SEC23B: variants seen among roughly 807,000 people sequenced by gnomAD.
SEC23B encodes the protein protein transport protein Sec23B.
Under a neutral mutation model 104.3 loss-of-function variants are expected in SEC23B, and 77 were observed. The observed-to-expected ratio is 0.74, with a 90% CI of 0.61 to 0.89. The LOEUF (loss-of-function observed/expected upper bound fraction) is 0.89. SEC23B is among the 40% of genes least tolerant of loss of function. The pLI is 0.00. For synonymous variants in SEC23B, 338 were observed against 332.5 expected, an observed-to-expected ratio of 1.02 and a Z score of -0.18; for missense variants, 885 against 949.4, an observed-to-expected ratio of 0.93 and a Z score of 0.89.
In SEC23B at chr20:18,530,814, CTTTTT is replaced by C; in HGVS notation, c.1233+21_1233+25del. 1 of 1,438,304 alleles carries C rather than the reference CTTTTT, an allele frequency of 7.0e-7. No individual in the cohort carries two copies. Among genetic ancestry groups the C allele is most frequent in the Non-Finnish European group, 9.6e-7 (1 of 1,042,408 alleles). 89.1% of individuals were successfully genotyped at this position (1,438,304 alleles called of 1,614,324 possible). A position where few individuals can be genotyped will look rare whatever the true frequency, so the allele number is the denominator to read the frequency against. ...ACTTTGGACGTAAAGGTACGGTAAA[CTTTTT>C]TTTTTTTTTATGTGGACTCACTGTA... On this transcript the variant is annotated intron_variant, in intron 10 of 19. Transcript: ENST00000650089.
chr20:18,554,130 T>C (rs1412385954), intron 17 of SEC23B, 105 bp from the exon 18 acceptor site: 2 of 1,293,496 alleles, frequency 1.5e-6, no homozygotes, highest in East Asian at 4.7e-5. Context: ...ATATTAGACT[T>C]CTTCACTAGA....
At position 18,517,497 on chromosome 20, in the gene SEC23B, A is replaced by G. The variant is rs189955393; in HGVS notation, c.366+1761A>G. ...CAGTTGCTTCAGGCCATCTGGATGTATACGTGCAGGTCATAGGGGATATGA... is the reference window on the plus strand; with the variant it reads ...CAGTTGCTTCAGGCCATCTGGATGTGTACGTGCAGGTCATAGGGGATATGA... On this transcript the variant is annotated intron_variant, in intron 4 of 19. Transcript: ENST00000650089. Among the ~76,000 whole-genome samples, 6 of 152,326 alleles carry G rather than the reference A, an allele frequency of 3.9e-5. No homozygotes were observed. In the East Asian group the frequency reaches 1.2e-3, roughly 29 times the overall value.
At chr20:18,543,241 C>T in intron 14 of SEC23B, 69 bp downstream of exon 14, 1 of 1,587,110 alleles carries the variant, frequency 6.3e-7, no homozygotes, top group Non-Finnish European at 8.6e-7. Context: ...AAAATTGTCA[C>T]TTAATTATTA....
intron 6 of SEC23B, 135 bp from the exon 7 acceptor site, chr20:18,525,653 C>A: frequency 2.2e-6 from 2 of 906,160 alleles, no homozygotes; most frequent in South Asian, 1.5e-5. Flanking sequence ...AGAGAGATAG[C>A]TTTGAAGAAA....
At chr20:18,515,782 T>G in intron 4 of SEC23B, 46 bp downstream of exon 4, 1 of 1,183,082 alleles carries the variant, frequency 8.5e-7, no homozygotes, top group Non-Finnish European at 1.3e-6. Flanking sequence ...AAATACTGAA[T>G]TTCTCTTGAA....
intron 4 of SEC23B, among the ~76,000 whole-genome samples, chr20:18,520,609 T>G (rs1391461834): frequency 6.6e-6 from 1 of 151,394 alleles, no homozygotes; most frequent in Non-Finnish European, 1.5e-5. Flanking sequence ...TAAAAAGGAG[T>G]GCATTAAAGA....
At chr20:18,545,127 C>T (rs1388312422) in intron 14 of SEC23B, among the ~76,000 whole-genome samples, 3 of 152,126 alleles carry the variant, frequency 2.0e-5, no homozygotes, top group Non-Finnish European at 2.9e-5. Context: ...TATAGGTCAG[C>T]ACTGGACACT....
chr20:18,559,834 GTCT>G (rs1322030587), intron 19 of SEC23B, among the ~76,000 whole-genome samples: 1 of 152,030 alleles, frequency 6.6e-6, no homozygotes, highest in Non-Finnish European at 1.5e-5. Flanking sequence ...ACCTTTAAAA[GTCT>G]TCTTATGTTT....
rs776731572 is a variant in SEC23B, at chr20:18,530,690, G to T, written c.1120G>T (p.Val374Leu). 1.2e-6 allele frequency: 2 copies of T among 1,612,302 alleles called. No homozygotes were observed. Among genetic ancestry groups the T allele is most frequent in the Non-Finnish European group, 1.7e-6 (2 of 1,178,446 alleles). Reference protein sequence around the residue: ...CCANLTGGYMVMGDSFNTSLF... With the variant: ...CCANLTGGYMLMGDSFNTSLF... The stretch of plus-strand genomic sequence containing the variant: ...TTTCTTCTTACCTAGAGGCTACATG[G>T]TAATGGGAGATTCTTTCAACACTTC... The change falls in exon 10 of 20, where the codon GTA becomes TTA. Residue 374 changes from valine to leucine, a missense_variant. By Grantham distance (32) the Val-to-Leu change is conservative. Coordinates refer to ENST00000650089, the MANE Select transcript of SEC23B (RefSeq NM_006363.6).
intron 4 of SEC23B, among the ~76,000 whole-genome samples, chr20:18,516,248 C>CTTTTTTTTTTTTTTTTTTTTTTAATTTTT (rs71194246): frequency 7.2e-6 from 1 of 139,046 alleles, no homozygotes; most frequent in African/African-American, 2.7e-5. Context: ...CACAGTAATT[C>CTTTTTTTTTTTTTTTTTTTTTTAATTTTT]TTTTTTTTTT....
At position 18,555,090 on chromosome 20, in the gene SEC23B, T is replaced by G; in HGVS notation, c.2149-18T>G. Reference sequence around the variant, plus strand: ...ACTTTTTAATCTTTAAATCTTTTTGTTGTTGTTGTTGTTAAAGGCTCGATT... The same window carrying G: ...ACTTTTTAATCTTTAAATCTTTTTGGTGTTGTTGTTGTTAAAGGCTCGATT... On this transcript the variant is annotated intron_variant, in intron 18 of 19. Transcript: ENST00000650089. 1.2e-6 allele frequency: 2 copies of G among 1,608,598 alleles called. No individual in the cohort carries two copies. Among genetic ancestry groups the G allele is most frequent in the Non-Finnish European group, 1.7e-6 (2 of 1,175,078 alleles).
At chr20:18,528,269 G>A (rs1463118956) in intron 9 of SEC23B, among the ~76,000 whole-genome samples, 2 of 152,324 alleles carry the variant, frequency 1.3e-5, no homozygotes, top group South Asian at 2.1e-4. Context: ...GCACTGGTCT[G>A]CAGCTGCCTA....
intron 4 of SEC23B, among the ~76,000 whole-genome samples, chr20:18,516,767 ATGGTCTCGTTC>A (rs2060032378): frequency 6.6e-6 from 1 of 151,800 alleles, no homozygotes; most frequent in African/African-American, 2.4e-5. Context: ...GTTAGCCAGG[ATGGTCTCGTTC>A]TCCTGACCTT....
chr20:18,541,620 A>G (rs2060288715), intron 12 of SEC23B, among the ~76,000 whole-genome samples: 1 of 152,262 alleles, frequency 6.6e-6, no homozygotes, highest in African/African-American at 2.4e-5. Flanking sequence ...AAGGTCAGTC[A>G]GTGGAGCAAC....
In SEC23B at chr20:18,523,087, T is replaced by G. The variant is rs2060099106; in HGVS notation, c.367-1346T>G. Among the ~76,000 whole-genome samples the G allele has an allele frequency of 3.0e-5, 4 of 132,246 alleles. No individual in the cohort carries two copies. The South Asian group carries it at 7.6e-4, about 25-fold the overall frequency. The allele number at this position is 132,246 out of a possible 152,430, so 86.8% of individuals were successfully genotyped here. A position where few individuals can be genotyped will look rare whatever the true frequency, so the allele number is the denominator to read the frequency against. ...GTCTCAAAAAAAAAAGAAAAAAAAATCATGTTACTTCTCTGTTCAGAAAAC... is the reference window on the plus strand; with the variant it reads ...GTCTCAAAAAAAAAAGAAAAAAAAAGCATGTTACTTCTCTGTTCAGAAAAC... On this transcript the variant is annotated intron_variant, in intron 4 of 19. Coordinates refer to ENST00000650089, the MANE Select transcript of SEC23B (RefSeq NM_006363.6).
rs1239765691 is a variant in SEC23B at position 18,560,718 on chromosome 20, T to G, written c.2282T>G (p.Leu761Arg). Residue 761 changes from leucine to arginine, a missense_variant, in exon 20 of 20, where the codon CTG (leucine) becomes CGG (arginine). Coordinates refer to ENST00000650089, the MANE Select transcript of SEC23B (RefSeq NM_006363.6). ...LQVFMDHLKK[L>R]AVSSAC ...GTGTTCATGGACCATTTGAAGAAGC[T>G]GGCTGTCTCCAGTGCCTGTTAAGCT... The G allele has an allele frequency of 6.2e-7, 1 of 1,613,890 alleles. No homozygotes were observed. Among genetic ancestry groups the G allele is most frequent in the Non-Finnish European group, 8.5e-7 (1 of 1,179,866 alleles).
Position 18,525,779 on chromosome 20 carries a change from A to G in SEC23B, c.690-9A>G, listed in dbSNP as rs1274430179. On this transcript the variant is annotated splice_polypyrimidine_tract_variant and intron_variant, in intron 6 of 19. Coordinates refer to ENST00000650089, the MANE Select transcript of SEC23B (RefSeq NM_006363.6). ...AATCTGGGTTGATGTGTCTGTTAAA[A>G]TCTTGCAGATTTCTGCAGCCTGTTC... 1.9e-6 allele frequency: 3 copies of G among 1,614,198 alleles called. No individual in the cohort carries two copies. Among genetic ancestry groups the G allele is most frequent in the Admixed American group, 1.7e-5 (1 of 60,018 alleles).
At chr20:18,545,146 G>A (rs549195291) in intron 14 of SEC23B, among the ~76,000 whole-genome samples, 1 of 152,292 alleles carries the variant, frequency 6.6e-6, no homozygotes, top group African/African-American at 2.4e-5. Context: ...CTGGAGGGTG[G>A]ATTTGGATGA....
intron 4 of SEC23B, among the ~76,000 whole-genome samples, chr20:18,522,792 T>G (rs1007827001): frequency 1.3e-5 from 2 of 151,840 alleles, no homozygotes; most frequent in African/African-American, 4.8e-5. Context: ...GCGTGGTGGC[T>G]CACACACGTA....
Sources: allele counts gnomAD v4.1 joint callset (sites outside exome capture counted in the v4.1 genomes callset), GRCh38; gene constraint gnomAD v4.1.1; transcripts MANE v1.5; gene names NCBI Gene and HGNC (gene_info 2026-07-23, HGNC 2026-07-21).